The following AUTS2 variants were observed in gnomAD, a reference collection of about 807,000 sequenced individuals.
AUTS2 encodes autism susceptibility gene 2 protein.
A neutral mutation model predicts 112.4 loss-of-function variants in AUTS2; 17 were observed. That is an observed-to-expected ratio of 0.15 (90% CI 0.10 to 0.23). The LOEUF (loss-of-function observed/expected upper bound fraction) is 0.23. AUTS2 is among the 10% of genes least tolerant of loss of function. The pLI is 1.00. For missense variants in AUTS2, 1,510 were observed against 1,701.6 expected (o/e 0.89, Z 1.98); for synonymous variants, 751 against 702.7 (o/e 1.07, Z -1.09).
chr7:69,617,847 C>T (rs1011136400), intron 1 of AUTS2, among the ~76,000 whole-genome samples: 5 of 152,154 alleles, frequency 3.3e-5, no homozygotes, highest in Admixed American at 3.3e-4. Context: ...TGCTTCAAGA[C>T]TCTACAGAAT....
intron 4 of AUTS2, among the ~76,000 whole-genome samples, chr7:70,302,100 A>T (rs1372423946): frequency 6.6e-6 from 1 of 152,184 alleles, no homozygotes; most frequent in Non-Finnish European, 1.5e-5. Context: ...AGCCAAAGGC[A>T]TTGATTAGGC....
At chr7:70,751,552 G>A (rs1396785103) in intron 6 of AUTS2, among the ~76,000 whole-genome samples, 1 of 152,126 alleles carries the variant, frequency 6.6e-6, no homozygotes, top group African/African-American at 2.4e-5. Flanking sequence ...GTGTGCTGTG[G>A]CTTTTAGGTC....
At chr7:70,519,535 A>G (rs1238349278) in intron 5 of AUTS2, among the ~76,000 whole-genome samples, 1 of 152,258 alleles carries the variant, frequency 6.6e-6, no homozygotes, top group African/African-American at 2.4e-5. Context: ...AATTTAATGT[A>G]GGACATAACT....
chr7:70,364,510 G>A (rs1161907194), intron 4 of AUTS2, among the ~76,000 whole-genome samples: 1 of 151,312 alleles, frequency 6.6e-6, no homozygotes, highest in Non-Finnish European at 1.5e-5. Context: ...AGGTTGCGGT[G>A]AGCCAGGATC....
intron 2 of AUTS2, among the ~76,000 whole-genome samples, chr7:70,034,966 G>A (rs1025913764): frequency 1.3e-5 from 2 of 152,036 alleles, no homozygotes; most frequent in African/African-American, 2.4e-5. Context: ...CATGTAGCTG[G>A]GACTATAGTC....
chr7:70,599,885 G>A (rs1032697551), intron 5 of AUTS2, among the ~76,000 whole-genome samples: 1 of 152,230 alleles, frequency 6.6e-6, no homozygotes, highest in African/African-American at 2.4e-5. Context: ...TCATTAGACA[G>A]GGATCTGGGT....
At chr7:69,687,451 C>T (rs573614663) in intron 1 of AUTS2, among the ~76,000 whole-genome samples, 1 of 152,260 alleles carries the variant, frequency 6.6e-6, no homozygotes, top group Non-Finnish European at 1.5e-5. Flanking sequence ...ACTTTGCTAA[C>T]TTGCTGATAT....
At chr7:69,975,717 C>T (rs1166180931) in intron 2 of AUTS2, among the ~76,000 whole-genome samples, 1 of 151,158 alleles carries the variant, frequency 6.6e-6, no homozygotes, top group Admixed American at 6.6e-5. Context: ...GAGGTGGAGT[C>T]TGCTCGGTCC....
At chr7:70,284,697 T>C (rs1415661888) in intron 4 of AUTS2, among the ~76,000 whole-genome samples, 2 of 151,980 alleles carry the variant, frequency 1.3e-5, no homozygotes, top group Non-Finnish European at 2.9e-5. Context: ...GCCTATGAGG[T>C]TTTGAGGTAA....
At chr7:69,724,913 G>A (rs1404051970) in intron 1 of AUTS2, among the ~76,000 whole-genome samples, 1 of 152,168 alleles carries the variant, frequency 6.6e-6, no homozygotes. Context: ...TCTAGCAGTT[G>A]CTGTAGACCT....
At chr7:70,136,174 A>G (rs1584775410) in intron 4 of AUTS2, among the ~76,000 whole-genome samples, 1 of 152,128 alleles carries the variant, frequency 6.6e-6, no homozygotes, top group East Asian at 1.9e-4. Flanking sequence ...AGAGTCTTTA[A>G]TTACATGTCT....
intron 3 of AUTS2, among the ~76,000 whole-genome samples, chr7:70,122,494 T>C (rs1805733139): frequency 6.6e-6 from 1 of 152,218 alleles, no homozygotes; most frequent in African/African-American, 2.4e-5. Flanking sequence ...TTTTTTCTCT[T>C]CATTATGGGT....
intron 1 of AUTS2, among the ~76,000 whole-genome samples, chr7:69,787,551 T>C (rs1021122152): frequency 3.9e-5 from 6 of 152,144 alleles, no homozygotes; most frequent in African/African-American, 1.4e-4. Context: ...ATTATAGTAG[T>C]TATTTTATTT....
intron 5 of AUTS2, among the ~76,000 whole-genome samples, chr7:70,592,275 G>A (rs905778964): frequency 2.6e-5 from 4 of 152,130 alleles, no homozygotes; most frequent in Admixed American, 2.6e-4. Flanking sequence ...AATTGAGTTC[G>A]GAGCCAAACT....
intron 4 of AUTS2, among the ~76,000 whole-genome samples, chr7:70,321,341 A>T (rs1007675087): frequency 6.6e-6 from 1 of 152,198 alleles, no homozygotes; most frequent in Non-Finnish European, 1.5e-5. Context: ...TTCATATTAG[A>T]ATAGCTTTGC....
At chr7:70,129,682 G>T (rs1021606434) in intron 3 of AUTS2, among the ~76,000 whole-genome samples, 7 of 152,284 alleles carry the variant, frequency 4.6e-5, no homozygotes, top group Middle Eastern at 3.4e-3. Flanking sequence ...AACTGTCCAT[G>T]AAGACAAGAG....
chr7:70,697,114 T>TCTCCCATTGTTTCTCTAGGTA (rs1236813148), intron 5 of AUTS2, among the ~76,000 whole-genome samples: 1 of 152,200 alleles, frequency 6.6e-6, no homozygotes, highest in African/African-American at 2.4e-5. Context: ...TAGGTATGAC[T>TCTCCCATTGTTTCTCTAGGTA]TGTTTCTCTC....
At chr7:69,608,267 C>G (rs1198652018) in intron 1 of AUTS2, among the ~76,000 whole-genome samples, 1 of 152,218 alleles carries the variant, frequency 6.6e-6, no homozygotes, top group Non-Finnish European at 1.5e-5. Context: ...TGGCTAAGTT[C>G]TAAACCTGAG....
intron 4 of AUTS2, among the ~76,000 whole-genome samples, chr7:70,395,654 AAGTT>A (rs1477632008): frequency 1.3e-5 from 2 of 152,178 alleles, no homozygotes; most frequent in African/African-American, 4.8e-5. Flanking sequence ...CATAGGTTGA[AAGTT>A]AGTTGACAGC....
Sources: gnomAD v4.1 joint callset for allele counts (sites outside exome capture counted in the v4.1 genomes callset) on GRCh38, gnomAD v4.1.1 for gene constraint, MANE v1.5 for transcripts, NCBI Gene and HGNC (gene_info 2026-07-23, HGNC 2026-07-21) for gene names.